PIK3R5: variants seen among roughly 807,000 people sequenced by gnomAD.
PIK3R5 encodes the protein phosphoinositide-3-kinase regulatory subunit 5, also known as phosphoinositide 3-kinase regulatory subunit 5.
A neutral mutation model predicts 94.9 loss-of-function variants in PIK3R5; 32 were observed. The ratio of observed to expected loss-of-function variants is 0.34; its 90% confidence interval spans 0.25 to 0.45. The LOEUF is 0.45. PIK3R5 is among the 20% of genes least tolerant of loss of function. The probability of loss-of-function intolerance (pLI) is 1.00; values close to 1 mark genes in which losing one functional copy is unlikely to be tolerated. For synonymous variants in PIK3R5, 443 were observed against 479.4 expected (o/e 0.92, Z 0.99); for missense variants, 853 against 1,144.6 (o/e 0.75, Z 3.68).
rs760190577 is a variant in PIK3R5, at chr17:8,882,294, A to G, written c.2206-413T>C. 10 of 200,838 alleles carry G rather than the reference A, an allele frequency of 5.0e-5. No homozygotes were observed. Among genetic ancestry groups the G allele is most frequent in the Non-Finnish European group, 9.4e-5 (9 of 95,606 alleles). 12.4% of individuals were successfully genotyped at this position (200,838 alleles called of 1,614,324 possible). ...GACCTCCATGTTGTTAAACCGAAGA[A>G]CACTTCTTGGTCCTCAGCTTACTTG... On this transcript the variant is annotated intron_variant, in intron 15 of 18. Coordinates refer to ENST00000447110, the MANE Select transcript of PIK3R5 (RefSeq NM_001142633.3). The surrounding 1 kb of genome is among the most constrained non-coding windows in gnomAD (Gnocchi z 4.1).
At chr17:8,948,042 TAAAAAAAAAAAA>T (rs71135932) in intron 1 of PIK3R5, among the ~76,000 whole-genome samples, 2 of 62,782 alleles carry the variant, frequency 3.2e-5, no homozygotes, top group Admixed American at 2.1e-4. Context: ...GACTCCGTCT[TAAAAAAAAAAAA>T]AAAAAAAAAA....
At position 8,880,119 on chromosome 17, in the gene PIK3R5, C is replaced by G. The variant is rs2089618281; in HGVS notation, c.*520G>C. ...GTGTGCGCATGTGCGTACATGCATG[C>G]CATGTGTGTGTGGTGTTTGCAGGGA... On this transcript the variant is annotated 3_prime_UTR_variant, in exon 19 of 19. Coordinates refer to ENST00000447110, the MANE Select transcript of PIK3R5 (RefSeq NM_001142633.3). The G allele has an allele frequency of 6.5e-6, 1 of 152,978 alleles. No homozygotes were observed. Among genetic ancestry groups the G allele is most frequent in the Admixed American group, 6.5e-5 (1 of 15,298 alleles). The allele number at this position is 152,978 out of a possible 1,614,324, so 9.5% of individuals were successfully genotyped here.
intron 12 of PIK3R5, 112 bp from the exon 13 acceptor site, chr17:8,886,717 G>C: frequency 4.0e-6 from 5 of 1,259,624 alleles, no homozygotes; most frequent in Non-Finnish European, 5.5e-6. Context: ...AGCCAGTCAG[G>C]GGGAGCTGGT....
At position 8,935,947 on chromosome 17, in the gene PIK3R5, G is replaced by A. The variant is rs571603427; in HGVS notation, c.-13-24440C>T. ...CGGGCACCTGTAGTCCCAGCTACTC[G>A]GGAGGCTGAGGCAGGAGAATGGCGT... On this transcript the variant is annotated intron_variant, in intron 1 of 18. Transcript: ENST00000447110. This position sits in a 1 kb window ranked among gnomAD's most constrained non-coding sequence, Gnocchi z 4.5. 6.6e-5 allele frequency among the ~76,000 whole-genome samples: 10 copies of A among 151,926 alleles called. No homozygotes were observed. Among genetic ancestry groups the A allele is most frequent in the South Asian group, 2.1e-4 (1 of 4,808 alleles).
intron 5 of PIK3R5, among the ~76,000 whole-genome samples, chr17:8,902,846 A>ATTTTTTTTTTTTTTTTTTTT (rs35776068): frequency 1.6e-4 from 22 of 140,180 alleles, no homozygotes; most frequent in African/African-American, 5.0e-4. Context: ...TTTAGATAGA[A>ATTTTTTTTTTTTTTTTTTTT]TTTTTTTTTT....
intron 1 of PIK3R5, among the ~76,000 whole-genome samples, chr17:8,924,701 A>G (rs1315371338): frequency 6.6e-6 from 1 of 152,308 alleles, no homozygotes; most frequent in South Asian, 2.1e-4. Context: ...CCAATTATGC[A>G]AGAAAAATCT....
intron 1 of PIK3R5, among the ~76,000 whole-genome samples, chr17:8,961,125 G>T (rs2091555818): frequency 6.6e-6 from 1 of 152,190 alleles, no homozygotes; most frequent in African/African-American, 2.4e-5. Flanking sequence ...GGATTCAGAA[G>T]ATGAGGCTTG....
Position 8,905,697 on chromosome 17 carries a change from G to A in PIK3R5, c.245C>T (p.Ala82Val), listed in dbSNP as rs1236623201. Residue 82 changes from alanine (A) to valine (V), a missense_variant, in exon 4 of 19, where the codon GCC (alanine) becomes GTC (valine). This residue lies in a region of PIK3R5 where 108 missense variants were observed against 170.1 expected (regional missense o/e 0.63). Transcript: ENST00000447110. ...AAGAACAGTGGAATAGAAGAGCAGG[G>A]CCAGCGGGGTGAGCAGGTCGTAGGT... ...KGTYDLLTPL[A>V]LLFYSTVLCT... 1.9e-6 allele frequency: 3 copies of A among 1,607,228 alleles called. No individual in the cohort carries two copies. The East Asian group carries it at 6.7e-5, about 36-fold the overall frequency.
At chr17:8,903,108 G>A (rs1044846271) in intron 5 of PIK3R5, among the ~76,000 whole-genome samples, 5 of 152,192 alleles carry the variant, frequency 3.3e-5, no homozygotes, top group Non-Finnish European at 4.4e-5. Context: ...GCGTCCCAAA[G>A]TGCTGGGATT....
intron 1 of PIK3R5, among the ~76,000 whole-genome samples, chr17:8,913,386 T>C (rs1597398079): frequency 6.6e-6 from 1 of 152,122 alleles, no homozygotes; most frequent in Non-Finnish European, 1.5e-5. Context: ...CTTCTGGCTG[T>C]GGAGGTGAAG....
chr17:8,906,625 G>A (rs990866947), intron 3 of PIK3R5, among the ~76,000 whole-genome samples: 1 of 152,112 alleles, frequency 6.6e-6, no homozygotes, highest in Non-Finnish European at 1.5e-5. Flanking sequence ...GCTCATGCTT[G>A]TAATCTCAAC....
At chr17:8,919,330 C>T (rs2090686867) in intron 1 of PIK3R5, among the ~76,000 whole-genome samples, 1 of 152,178 alleles carries the variant, frequency 6.6e-6, no homozygotes, top group African/African-American at 2.4e-5. Flanking sequence ...TTTACATAGC[C>T]TTATGCCCTT....
intron 1 of PIK3R5, among the ~76,000 whole-genome samples, chr17:8,930,572 T>C (rs2090970322): frequency 6.6e-6 from 1 of 152,260 alleles, no homozygotes; most frequent in African/African-American, 2.4e-5. Flanking sequence ...TGTACATGAA[T>C]GTTTATAACA....
intron 1 of PIK3R5, among the ~76,000 whole-genome samples, chr17:8,943,828 C>G (rs1481499559): frequency 6.6e-6 from 1 of 151,474 alleles, no homozygotes; most frequent in East Asian, 1.9e-4. Flanking sequence ...CTGACCACAC[C>G]TGGCAAATTG....
intron 14 of PIK3R5, among the ~76,000 whole-genome samples, chr17:8,885,670 C>A (rs2089817342): frequency 9.2e-6 from 1 of 108,748 alleles, no homozygotes; most frequent in African/African-American, 4.2e-5. Context: ...GGCCCCGCCT[C>A]CCCATGGCCC....
intron 1 of PIK3R5, among the ~76,000 whole-genome samples, chr17:8,950,501 C>T (rs2091357428): frequency 6.6e-6 from 1 of 152,136 alleles, no homozygotes; most frequent in Non-Finnish European, 1.5e-5. Context: ...TTTATGTCTA[C>T]TTGTGCTCAG....
At chr17:8,949,222 C>CT in intron 1 of PIK3R5, among the ~76,000 whole-genome samples, 1 of 152,132 alleles carries the variant, frequency 6.6e-6, no homozygotes, top group Non-Finnish European at 1.5e-5. Context: ...AAGCTAAGTG[C>CT]TTAAGGGTTT....
rs2090476748 is a variant in PIK3R5 at position 8,909,480 on chromosome 17, G to A, written c.104-306C>T. On this transcript the variant is annotated intron_variant, in intron 2 of 18. Coordinates refer to ENST00000447110, the MANE Select transcript of PIK3R5 (RefSeq NM_001142633.3). The surrounding 1 kb of genome is among the most constrained non-coding windows in gnomAD (Gnocchi z 4.3). ...AATTTTTGTATTTTAGTAGAGATGGGGTTTCACCATGTTGGCCAAGATGGT... is the reference window on the plus strand; with the variant it reads ...AATTTTTGTATTTTAGTAGAGATGGAGTTTCACCATGTTGGCCAAGATGGT... 6.6e-6 allele frequency among the ~76,000 whole-genome samples: 1 copy of A among 152,102 alleles called. No homozygotes were observed. The highest frequency in any genetic ancestry group is 2.1e-4 in the South Asian group (1 of 4,830).
chr17:8,914,007 A>G (rs2090582390), intron 1 of PIK3R5, among the ~76,000 whole-genome samples: 1 of 152,200 alleles, frequency 6.6e-6, no homozygotes, highest in South Asian at 2.1e-4. Flanking sequence ...CTCCCATGGC[A>G]GCCCGACCAC....
Sources: gnomAD v4.1 joint callset for allele counts (sites outside exome capture counted in the v4.1 genomes callset) on GRCh38, gnomAD v4.1.1 for gene constraint, gnomAD v4.1.1 regional missense constraint, Gnocchi (gnomAD v3.1) non-coding constraint, MANE v1.5 for transcripts, NCBI Gene and HGNC (gene_info 2026-07-23, HGNC 2026-07-21) for gene names.